Variants in PAPPA observed in about 807,000 individuals in gnomAD.
PAPPA encodes the protein pappalysin-1.
PAPPA carries 60 observed loss-of-function variants against 164.0 expected under a neutral mutation model. That is an observed-to-expected ratio of 0.37 (90% CI 0.30 to 0.45). The LOEUF (loss-of-function observed/expected upper bound fraction) is 0.45, where lower values mean the gene tolerates loss of function less well. Ranked by LOEUF, PAPPA falls within the 20% of genes least tolerant of loss-of-function variation. The pLI is 1.00. For missense variants in PAPPA, 1,782 were observed against 2,087.3 expected (o/e 0.85, Z 2.85); for synonymous variants, 875 against 814.1 (o/e 1.07, Z -1.27).
At chr9:116,377,712 T>G in intron 20 of PAPPA, 65 bp downstream of exon 20, 2 of 1,229,646 alleles carry the variant, frequency 1.6e-6, no homozygotes, top group Non-Finnish European at 2.4e-6. Flanking sequence ...ATTGTTATTG[T>G]TATATTAATG....
intron 19 of PAPPA, among the ~76,000 whole-genome samples, chr9:116,376,708 C>T (rs943752750): frequency 6.6e-6 from 1 of 152,006 alleles, no homozygotes; most frequent in African/African-American, 2.4e-5. Context: ...CCTAACGGGG[C>T]TAGGAAAAGT....
In PAPPA at chr9:116,322,406, G is replaced by C. The variant is rs1479114171; in HGVS notation, c.3148-8838G>C. ...GCCTGGGGTACAATAGGAAGACTTA[G>C]TCTCAAAAAAAAAAAAAAAAAAAAA... On this transcript the variant is annotated intron_variant, in intron 10 of 21. Transcript: ENST00000328252. 1.1e-4 allele frequency among the ~76,000 whole-genome samples: 11 copies of C among 103,242 alleles called. No individual in the cohort carries two copies. In the Admixed American group the frequency reaches 1.4e-3, roughly 13 times the overall value. The allele number at this position is 103,242 out of a possible 152,430, so 67.7% of individuals were successfully genotyped here.
intron 9 of PAPPA, among the ~76,000 whole-genome samples, chr9:116,300,667 G>A (rs1240405545): frequency 2.6e-5 from 4 of 152,142 alleles, no homozygotes; most frequent in Non-Finnish European, 4.4e-5. Flanking sequence ...GCATTCTGGT[G>A]CCCCTGAATC....
At chr9:116,294,055 T>G (rs1014999119) in intron 9 of PAPPA, among the ~76,000 whole-genome samples, 4 of 152,184 alleles carry the variant, frequency 2.6e-5, no homozygotes, top group Non-Finnish European at 5.9e-5. Flanking sequence ...GGGATTGAGG[T>G]GAGGAAGATG....
intron 5 of PAPPA, among the ~76,000 whole-genome samples, chr9:116,223,733 G>T (rs1844472231): frequency 6.6e-6 from 1 of 152,126 alleles, no homozygotes; most frequent in Non-Finnish European, 1.5e-5. Context: ...CCATACAGAT[G>T]GAATTTATAC....
chr9:116,186,961 A>C (rs982946958), intron 1 of PAPPA, among the ~76,000 whole-genome samples, 193 bp from the exon 2 acceptor site: 4 of 152,108 alleles, frequency 2.6e-5, no homozygotes, highest in Non-Finnish European at 4.4e-5. Context: ...TCATTCTCTC[A>C]GCTCCTCCAG....
intron 2 of PAPPA, among the ~76,000 whole-genome samples, chr9:116,191,742 T>C (rs1280498630): frequency 6.6e-6 from 1 of 151,852 alleles, no homozygotes; most frequent in Non-Finnish European, 1.5e-5. Flanking sequence ...TGCTGAGAGG[T>C]AAAGATGCAG....
chr9:116,369,091 C>G (rs189554018), intron 19 of PAPPA, among the ~76,000 whole-genome samples: 8 of 151,978 alleles, frequency 5.3e-5, no homozygotes, highest in Admixed American at 5.2e-4. Context: ...TCTGATATAC[C>G]TTTCCTCTTG....
At chr9:116,266,189 T>A (rs1564204076) in intron 8 of PAPPA, among the ~76,000 whole-genome samples, 1 of 152,206 alleles carries the variant, frequency 6.6e-6, no homozygotes, top group Admixed American at 6.5e-5. Context: ...ACACGTACAT[T>A]TTGCGACTAT....
intron 6 of PAPPA, among the ~76,000 whole-genome samples, chr9:116,232,907 A>G (rs1291035847): frequency 6.6e-6 from 1 of 152,166 alleles, no homozygotes; most frequent in Non-Finnish European, 1.5e-5. Flanking sequence ...ACTAGGGAGG[A>G]AGGATGAGCC....
At chr9:116,286,024 C>T (rs1310174754) in intron 9 of PAPPA, 1 of 152,014 alleles carries the variant, frequency 6.6e-6, no homozygotes, top group Admixed American at 6.6e-5. Context: ...GTATCCAAAT[C>T]CTAGTTCCCC....
Position 116,169,562 on chromosome 9 carries a change from C to T in PAPPA, c.415+14975C>T, listed in dbSNP as rs192850825. ...CTCAAACTCCTGACCTCAGGTGATC[C>T]GCCCACCTTGGCCTCCCAAAGTGCT... On this transcript the variant is annotated intron_variant, in intron 1 of 21. Transcript: ENST00000328252. Among the ~76,000 whole-genome samples, 363 of 151,528 alleles carry T rather than the reference C, an allele frequency of 2.4e-3. 2 individuals carry two copies. Among genetic ancestry groups the T allele is most frequent in the African/African-American group, 8.6e-3 (354 of 41,310 alleles).
intron 9 of PAPPA, among the ~76,000 whole-genome samples, chr9:116,300,900 A>T (rs1322423543): frequency 6.6e-6 from 1 of 151,882 alleles, no homozygotes; most frequent in East Asian, 1.9e-4. Flanking sequence ...AAGCACATTT[A>T]TGTTCATTTC....
At chr9:116,302,697 G>T in intron 9 of PAPPA, 60 bp from the exon 10 acceptor site, 2 of 1,427,732 alleles carry the variant, frequency 1.4e-6, no homozygotes, top group Non-Finnish European at 1.9e-6. Context: ...GCTGATGATT[G>T]CTGAGGCCAA....
chr9:116,391,255 A>AACTT (rs1487246065), intron 21 of PAPPA, among the ~76,000 whole-genome samples: 2 of 152,170 alleles, frequency 1.3e-5, no homozygotes, highest in African/African-American at 4.8e-5. Context: ...ACCTTTAAGA[A>AACTT]ACTTACAGGG....
At chr9:116,231,848 G>A (rs1844601796) in intron 6 of PAPPA, among the ~76,000 whole-genome samples, 1 of 137,148 alleles carries the variant, frequency 7.3e-6, no homozygotes, top group South Asian at 2.4e-4. Flanking sequence ...TGCAACCTCA[G>A]CCTCACGGGT....
At chr9:116,310,623 G>C (rs1455727051) in intron 10 of PAPPA, among the ~76,000 whole-genome samples, 1 of 152,150 alleles carries the variant, frequency 6.6e-6, no homozygotes, top group Non-Finnish European at 1.5e-5. Flanking sequence ...CCAGCAAAGA[G>C]ATCTACTAGA....
chr9:116,319,270 C>A (rs1038631661), intron 10 of PAPPA, among the ~76,000 whole-genome samples: 1 of 152,152 alleles, frequency 6.6e-6, no homozygotes, highest in African/African-American at 2.4e-5. Flanking sequence ...CCACATCCGA[C>A]ACTAATCACT....
rs1208676497 is a variant in PAPPA, at chr9:116,333,772, T to C, written c.3398-1089T>C. ...CACAGCCCAGGGCTCTGAGGAGAGG[T>C]TTTTTCAGCAGAGTGGGGAAAAGTC... On this transcript the variant is annotated intron_variant, in intron 12 of 21. Transcript: ENST00000328252. Among the ~76,000 whole-genome samples the C allele has an allele frequency of 4.0e-5, 6 of 150,542 alleles. No individual in the cohort carries two copies. In the East Asian group the frequency reaches 9.8e-4, roughly 25 times the overall value.
Sources: gnomAD v4.1 joint callset for allele counts (sites outside exome capture counted in the v4.1 genomes callset) on GRCh38, gnomAD v4.1.1 for gene constraint, MANE v1.5 for transcripts, NCBI Gene and HGNC (gene_info 2026-07-23, HGNC 2026-07-21) for gene names.